The following PPME1 variants were observed in gnomAD, a reference collection of about 807,000 sequenced individuals.
The protein encoded by PPME1 is testicular secretory protein Li 39.
Under a neutral mutation model 56.9 loss-of-function variants are expected in PPME1, and 17 were observed. The observed-to-expected ratio is 0.30, with a 90% CI of 0.20 to 0.45. PPME1 has a LOEUF of 0.45. Ranked by LOEUF, PPME1 falls within the 20% of genes least tolerant of loss-of-function variation. The probability of loss-of-function intolerance (pLI) is 1.00; values close to 1 mark genes in which losing one functional copy is unlikely to be tolerated. For missense variants in PPME1, 357 were observed against 483.2 expected (o/e 0.74, Z 2.45); for synonymous variants, 122 against 156.2 (o/e 0.78, Z 1.63).
chr11:74,241,081 A>G (rs1051226268), intron 9 of PPME1, among the ~76,000 whole-genome samples: 7 of 152,170 alleles, frequency 4.6e-5, no homozygotes, highest in Non-Finnish European at 7.3e-5. Flanking sequence ...CATAAACTCC[A>G]GCAGTTCTGT....
intron 1 of PPME1, among the ~76,000 whole-genome samples, chr11:74,201,189 A>G (rs1428125565): frequency 6.6e-6 from 1 of 151,648 alleles, no homozygotes; most frequent in African/African-American, 2.4e-5. Context: ...GTTAGCCAGG[A>G]TGGTCTCGAT....
In PPME1 at chr11:74,253,506, G is replaced by A; in HGVS notation, c.1157G>A (p.Cys386Tyr). ...IGGFQCVFPG[C>Y] The stretch of plus-strand genomic sequence containing the variant: ...TTCTTCCACAGTGTGTTTCCTGGCT[G>A]TTAGTGACCTGCTGTCCACCCCTCC... Residue 386 changes from cysteine (C) to tyrosine (Y), a missense_variant, in exon 14 of 14, where the codon TGT becomes TAT. This residue lies in a region of PPME1 where 182 missense variants were observed against 293.8 expected (regional missense o/e 0.62). Transcript: ENST00000328257. 6.2e-7 allele frequency: 1 copy of A among 1,608,774 alleles called. No homozygotes were observed. The highest frequency in any genetic ancestry group is 8.5e-7 in the Non-Finnish European group (1 of 1,175,188).
intron 9 of PPME1, among the ~76,000 whole-genome samples, chr11:74,245,315 GT>G (rs1225953991): frequency 1.8e-4 from 27 of 151,852 alleles, no homozygotes; most frequent in African/African-American, 6.3e-4. Context: ...AAGATAATAT[GT>G]TACTATCTCA....
chr11:74,200,841 T>G (rs1375556811), intron 1 of PPME1, among the ~76,000 whole-genome samples: 1 of 152,056 alleles, frequency 6.6e-6, no homozygotes, highest in Admixed American at 6.6e-5. Context: ...TGTTTTTTTG[T>G]TTATTTTTAT....
chr11:74,237,275 C>CTTTTTTTTTTTTTTTTTT lies in PPME1; in HGVS notation c.710+1310_710+1327dup, dbSNP rs763251745. On this transcript the variant is annotated intron_variant, in intron 8 of 13. Transcript: ENST00000328257. ...CAGGAAGTACATAATGTCTGGTTGT[C>CTTTTTTTTTTTTTTTTTT]TTTTTTTTTTTTTTTTTTGAGACAG... 1.3e-4 allele frequency among the ~76,000 whole-genome samples: 17 copies of CTTTTTTTTTTTTTTTTTT among 128,014 alleles called. 2 individuals are homozygous for CTTTTTTTTTTTTTTTTTT. Among genetic ancestry groups the CTTTTTTTTTTTTTTTTTT allele is most frequent in the African/African-American group, 3.9e-4 (12 of 30,790 alleles). The allele number at this position is 128,014 out of a possible 152,430, so 84.0% of individuals were successfully genotyped here.
chr11:74,237,275 C>CTTTTTTTTTTTTTTTTTTTTTTTT, intron 8 of PPME1, among the ~76,000 whole-genome samples: 1 of 128,032 alleles, frequency 7.8e-6, no homozygotes, highest in Admixed American at 7.7e-5. Flanking sequence ...GTCTGGTTGT[C>CTTTTTTTTTTTTTTTTTTTTTTTT]TTTTTTTTTT....
chr11:74,191,148 C>T (rs1439624422), intron 1 of PPME1, among the ~76,000 whole-genome samples: 1 of 152,146 alleles, frequency 6.6e-6, no homozygotes, highest in Non-Finnish European at 1.5e-5. Context: ...CCAGCTTGGA[C>T]AACATAGTGA....
chr11:74,251,470 G>C, intron 12 of PPME1, 178 bp from the exon 13 acceptor site: 1 of 1,431,876 alleles, frequency 7.0e-7, no homozygotes, highest in Non-Finnish European at 9.1e-7. Context: ...CAAGGATAGT[G>C]GGGAGGAGTC....
At chr11:74,179,331 TAAAAC>T (rs1390203046) in intron 1 of PPME1, among the ~76,000 whole-genome samples, 6 of 152,128 alleles carry the variant, frequency 3.9e-5, no homozygotes, top group African/African-American at 7.2e-5. Flanking sequence ...TTGTCTGTAC[TAAAAC>T]AAAACAAAAC....
At chr11:74,219,894 G>A (rs1373568114) in intron 3 of PPME1, among the ~76,000 whole-genome samples, 1 of 152,070 alleles carries the variant, frequency 6.6e-6, no homozygotes, top group Non-Finnish European at 1.5e-5. Flanking sequence ...TTTTAAAATA[G>A]CTAAAAGGGT....
In PPME1 at chr11:74,208,774, A is replaced by G. The variant is rs182584230; in HGVS notation, c.288+4329A>G. Among the ~76,000 whole-genome samples the G allele has an allele frequency of 2.0e-5, 3 of 152,348 alleles. No individual in the cohort carries two copies. In the East Asian group the frequency reaches 5.8e-4, roughly 29 times the overall value. On this transcript the variant is annotated intron_variant, in intron 3 of 13. Transcript: ENST00000328257. ...ACTTGTGGTAGATGAGGGGACTACA[A>G]GGAAAGTTTCATAAGAGAGGACATC...
At chr11:74,240,951 G>A (rs551894643) in intron 9 of PPME1, among the ~76,000 whole-genome samples, 1 of 152,292 alleles carries the variant, frequency 6.6e-6, no homozygotes, top group African/African-American at 2.4e-5. Flanking sequence ...TACAACTTAG[G>A]TACAGATACT....
intron 1 of PPME1, among the ~76,000 whole-genome samples, chr11:74,175,898 A>G (rs1351867359): frequency 1.3e-5 from 2 of 152,198 alleles, no homozygotes; most frequent in African/African-American, 4.8e-5. Context: ...AGGACTTCGT[A>G]TTTTTAGTCC....
At chr11:74,185,176 T>C (rs1857645489) in intron 1 of PPME1, among the ~76,000 whole-genome samples, 1 of 151,804 alleles carries the variant, frequency 6.6e-6, no homozygotes, top group African/African-American at 2.4e-5. Context: ...ATTTTTGTAT[T>C]TTTAGTAGAG....
In PPME1 at chr11:74,251,704, T is replaced by C; in HGVS notation, c.1131T>C (p.Gly377=). The C allele has an allele frequency of 6.2e-7, 1 of 1,613,934 alleles. No homozygotes were observed. Among genetic ancestry groups the C allele is most frequent in the Non-Finnish European group, 8.5e-7 (1 of 1,179,856 alleles). ...LIRHRFAEPI[G]GFQCVFPGC Reference sequence around the variant, plus strand: ...GGCACAGGTTTGCAGAACCCATCGGTGGATTCCAGTGGTAAGGCGGGTACA... The same window carrying C: ...GGCACAGGTTTGCAGAACCCATCGGCGGATTCCAGTGGTAAGGCGGGTACA... The change falls in exon 13 of 14, where the codon GGT becomes GGC. Residue 377 remains glycine (G), a synonymous_variant. Transcript: ENST00000328257.
chr11:74,184,733 A>G (rs1055291325), intron 1 of PPME1, among the ~76,000 whole-genome samples: 4 of 152,176 alleles, frequency 2.6e-5, no homozygotes, highest in Non-Finnish European at 4.4e-5. Context: ...CATAGTGTAC[A>G]GTGACTGTTT....
At chr11:74,196,432 T>C (rs1857983504) in intron 1 of PPME1, among the ~76,000 whole-genome samples, 1 of 152,208 alleles carries the variant, frequency 6.6e-6, no homozygotes, top group African/African-American at 2.4e-5. Context: ...ATGTATATGG[T>C]GTGAGGAAGG....
chr11:74,197,829 C>T (rs1192648668), intron 1 of PPME1, among the ~76,000 whole-genome samples: 2 of 152,172 alleles, frequency 1.3e-5, no homozygotes, highest in Non-Finnish European at 2.9e-5. Flanking sequence ...TAGCAAAATA[C>T]ATGTGCATGC....
chr11:74,208,328 A>T (rs1858383785), intron 3 of PPME1, among the ~76,000 whole-genome samples: 1 of 151,276 alleles, frequency 6.6e-6, no homozygotes, highest in South Asian at 2.1e-4. Context: ...AAAAAAAAAA[A>T]GAGACTTTAC....
Sources: gnomAD v4.1 joint callset for allele counts (sites outside exome capture counted in the v4.1 genomes callset) on GRCh38, gnomAD v4.1.1 for gene constraint, gnomAD v4.1.1 regional missense constraint, MANE v1.5 for transcripts, NCBI Gene and HGNC (gene_info 2026-07-23, HGNC 2026-07-21) for gene names.